The following SETBP1 variants were observed in gnomAD, a reference collection of about 807,000 sequenced individuals.
SETBP1 encodes the protein SET binding protein 1.
A neutral mutation model predicts 101.0 loss-of-function variants in SETBP1; 9 were observed. That is an observed-to-expected ratio of 0.09 (90% CI 0.05 to 0.16). SETBP1 has a LOEUF of 0.16. SETBP1 is among the 10% of genes least tolerant of loss of function. The probability of loss-of-function intolerance (pLI) is 1.00; values close to 1 mark genes in which losing one functional copy is unlikely to be tolerated. For synonymous variants in SETBP1, 818 were observed against 788.5 expected, an observed-to-expected ratio of 1.04 and a Z score of -0.63; for missense variants, 1,858 against 2,033.8, an observed-to-expected ratio of 0.91 and a Z score of 1.66.
At chr18:44,822,066 T>C (rs1223521043) in intron 2 of SETBP1, among the ~76,000 whole-genome samples, 1 of 152,278 alleles carries the variant, frequency 6.6e-6, no homozygotes, top group African/African-American at 2.4e-5. Context: ...TTCCTGCTAG[T>C]GTTCAATCAG....
chr18:44,795,445 G>A (rs2144748802), intron 2 of SETBP1, among the ~76,000 whole-genome samples: 1 of 152,288 alleles, frequency 6.6e-6, no homozygotes, highest in South Asian at 2.1e-4. Context: ...GAGTGATTGA[G>A]CGGTTTTAGA....
At chr18:44,865,115 C>G (rs2069100584) in intron 2 of SETBP1, among the ~76,000 whole-genome samples, 1 of 152,174 alleles carries the variant, frequency 6.6e-6, no homozygotes, top group South Asian at 2.1e-4. Flanking sequence ...CAGATATAAT[C>G]TCGAGTGGAG....
At chr18:44,987,011 C>A (rs1329144276) in intron 4 of SETBP1, 1 of 151,698 alleles carries the variant, frequency 6.6e-6, no homozygotes, top group African/African-American at 2.4e-5. Context: ...GTATTATGTA[C>A]CGTACCTAGT....
At chr18:45,059,284 A>G (rs1422009239) in intron 5 of SETBP1, among the ~76,000 whole-genome samples, 1 of 152,196 alleles carries the variant, frequency 6.6e-6, no homozygotes, top group Non-Finnish European at 1.5e-5. Flanking sequence ...TTAATATTTT[A>G]GTATGCATTT....
intron 4 of SETBP1, among the ~76,000 whole-genome samples, chr18:45,004,639 C>T (rs1009495896): frequency 6.6e-6 from 1 of 152,240 alleles, no homozygotes; most frequent in Non-Finnish European, 1.5e-5. Context: ...AGCCTTTCCA[C>T]CACTCCTCCA....
intron 3 of SETBP1, among the ~76,000 whole-genome samples, chr18:44,924,870 A>T (rs1198148228): frequency 6.6e-6 from 1 of 152,166 alleles, no homozygotes; most frequent in Non-Finnish European, 1.5e-5. Context: ...GTGTTCCCAG[A>T]TGGTTCAGAA....
At chr18:44,996,737 G>A (rs905872761) in intron 4 of SETBP1, among the ~76,000 whole-genome samples, 5 of 152,158 alleles carry the variant, frequency 3.3e-5, no homozygotes, top group Admixed American at 2.0e-4. Context: ...AATGAGTCTT[G>A]TAACATCAAG....
intron 2 of SETBP1, among the ~76,000 whole-genome samples, chr18:44,847,873 A>G (rs1331891619): frequency 6.6e-6 from 1 of 152,192 alleles, no homozygotes; most frequent in African/African-American, 2.4e-5. Flanking sequence ...TTTCTGAGCC[A>G]TGTCATGACC....
At chr18:44,881,601 C>T (rs1418681223) in intron 3 of SETBP1, among the ~76,000 whole-genome samples, 4 of 152,216 alleles carry the variant, frequency 2.6e-5, no homozygotes, top group African/African-American at 4.8e-5. Flanking sequence ...AATCAGGCAT[C>T]GGACTCTTGC....
chr18:45,012,095 G>C (rs1467414199), intron 4 of SETBP1, among the ~76,000 whole-genome samples: 1 of 152,180 alleles, frequency 6.6e-6, no homozygotes, highest in African/African-American at 2.4e-5. Context: ...ATCCTGGTGT[G>C]ATACAATGCA....
intron 2 of SETBP1, among the ~76,000 whole-genome samples, chr18:44,831,849 G>T (rs1001412515): frequency 3.9e-5 from 6 of 152,146 alleles, no homozygotes; most frequent in African/African-American, 1.4e-4. Context: ...CCCATGACCT[G>T]CCCTCCCATT....
At chr18:44,866,596 C>T (rs1461582519) in intron 2 of SETBP1, among the ~76,000 whole-genome samples, 1 of 152,142 alleles carries the variant, frequency 6.6e-6, no homozygotes, top group East Asian at 1.9e-4. Context: ...CACAACAGCA[C>T]GAAACAAAAC....
intron 2 of SETBP1, among the ~76,000 whole-genome samples, chr18:44,729,184 C>T (rs904604205): frequency 6.6e-6 from 1 of 152,104 alleles, no homozygotes; most frequent in African/African-American, 2.4e-5. Context: ...CTTTGGACCC[C>T]GTGTCCTAGG....
chr18:44,694,373 G>A (rs1444470119), intron 1 of SETBP1, among the ~76,000 whole-genome samples: 2 of 152,230 alleles, frequency 1.3e-5, no homozygotes, highest in Middle Eastern at 3.4e-3. Context: ...CACCACGCCC[G>A]ACTAATTTTT....
chr18:44,706,727 T>A (rs990513501), intron 2 of SETBP1, among the ~76,000 whole-genome samples: 1 of 151,302 alleles, frequency 6.6e-6, no homozygotes, highest in Non-Finnish European at 1.5e-5. Flanking sequence ...CCTGTCTAGA[T>A]TCAACAGCAA....
chr18:44,862,776 G>A (rs2069042982), intron 2 of SETBP1, among the ~76,000 whole-genome samples: 1 of 152,196 alleles, frequency 6.6e-6, no homozygotes. Flanking sequence ...AGCTCTTAGA[G>A]GTGTGTATTT....
intron 2 of SETBP1, among the ~76,000 whole-genome samples, chr18:44,733,768 A>C (rs138496257): frequency 2.0e-3 from 302 of 152,300 alleles, no homozygotes; most frequent in African/African-American, 7.0e-3. Flanking sequence ...TTTAAAGATT[A>C]ATCAGCTTTT....
rs780597341 is a variant in SETBP1 at position 44,950,583 on chromosome 18, A to T, written c.1243A>T (p.Asn415Tyr). Residue 415 changes from asparagine (N) to tyrosine (Y), a missense_variant, in exon 4 of 6, where the codon AAC becomes TAC. Asn to Tyr is a moderately radical substitution (Grantham distance 143). Around this residue, in one of 12 missense-constraint regions of SETBP1, gnomAD observed 581 missense variants for 535.1 expected, o/e 1.09. Transcript: ENST00000649279. ...CAAGGCACCCTCTCTGGATCCAACC[A>T]ACCATAAGAGGAAAAAAAGACAGTC... ...PIKAPSLDPT[N>Y]HKRKKRQSIK... is the part of the protein sequence containing the mutation. 4.3e-6 allele frequency: 7 copies of T among 1,614,108 alleles called. No individual in the cohort carries two copies. Among genetic ancestry groups the T allele is most frequent in the Non-Finnish European group, 5.9e-6 (7 of 1,180,024 alleles).
At chr18:45,019,885 G>T (rs1049062462) in intron 4 of SETBP1, among the ~76,000 whole-genome samples, 1 of 151,962 alleles carries the variant, frequency 6.6e-6, no homozygotes, top group Non-Finnish European at 1.5e-5. Context: ...ATTGTCAATT[G>T]TATTTCCAGT....
Sources: gnomAD v4.1 joint callset for allele counts (sites outside exome capture counted in the v4.1 genomes callset) on GRCh38, gnomAD v4.1.1 for gene constraint, gnomAD v4.1.1 regional missense constraint, MANE v1.5 for transcripts, NCBI Gene and HGNC (gene_info 2026-07-23, HGNC 2026-07-21) for gene names.